The following CRTAC1 variants were observed in gnomAD, a reference collection of about 807,000 sequenced individuals.
The protein encoded by CRTAC1 is cartilage acidic protein 1.
Under a neutral mutation model 67.8 loss-of-function variants are expected in CRTAC1, and 37 were observed. That is an observed-to-expected ratio of 0.55 (90% CI 0.42 to 0.72). The LOEUF (loss-of-function observed/expected upper bound fraction) is 0.72. Among genes scored for constraint, CRTAC1 ranks in the 30% least tolerant of loss-of-function variants. The pLI, the probability that CRTAC1 is intolerant of heterozygous loss-of-function variation, is 0.00. For missense variants in CRTAC1, 780 were observed against 931.6 expected, an observed-to-expected ratio of 0.84 and a Z score of 2.12; for synonymous variants, 348 against 371.0, an observed-to-expected ratio of 0.94 and a Z score of 0.71.
intron 2 of CRTAC1, among the ~76,000 whole-genome samples, chr10:97,945,380 G>C (rs1221886716): frequency 6.6e-6 from 1 of 152,120 alleles, no homozygotes; most frequent in Non-Finnish European, 1.5e-5. Flanking sequence ...TTCCCATTTT[G>C]AATGCACACT....
At chr10:97,881,213 G>A (rs1296078048) in intron 13 of CRTAC1, among the ~76,000 whole-genome samples, 2 of 152,128 alleles carry the variant, frequency 1.3e-5, no homozygotes, top group African/African-American at 4.8e-5. Context: ...ACTCCCTACA[G>A]GGGCCTCATG....
At chr10:97,882,890 C>G (rs1041000496) in intron 12 of CRTAC1, 62 bp from the exon 13 acceptor site, 4 of 1,548,048 alleles carry the variant, frequency 2.6e-6, no homozygotes, top group Non-Finnish European at 2.7e-6. Context: ...CAGGTTCCCT[C>G]CTAGTCACAG....
intron 1 of CRTAC1, among the ~76,000 whole-genome samples, chr10:98,019,770 A>G (rs1056985413): frequency 2.0e-5 from 3 of 152,168 alleles, no homozygotes; most frequent in African/African-American, 7.2e-5. Context: ...GTGGGCAGGG[A>G]TAAGGTGTCA....
intron 11 of CRTAC1, among the ~76,000 whole-genome samples, chr10:97,885,603 C>T (rs1175786772): frequency 2.6e-5 from 4 of 152,190 alleles, no homozygotes; most frequent in African/African-American, 7.2e-5. Context: ...GAAACAGGCC[C>T]GTCACTGTGG....
At chr10:97,974,512 T>G (rs1255185055) in intron 2 of CRTAC1, among the ~76,000 whole-genome samples, 1 of 152,226 alleles carries the variant, frequency 6.6e-6, no homozygotes, top group East Asian at 1.9e-4. Context: ...GTCAGCCTCT[T>G]TCGACACTTC....
At chr10:97,961,833 A>C (rs1046542765) in intron 2 of CRTAC1, among the ~76,000 whole-genome samples, 4 of 152,192 alleles carry the variant, frequency 2.6e-5, no homozygotes, top group Non-Finnish European at 5.9e-5. Flanking sequence ...CTAGGAGTTC[A>C]AGACCAATGC....
chr10:98,006,155 A>G (rs2136689612), intron 2 of CRTAC1, among the ~76,000 whole-genome samples: 1 of 152,344 alleles, frequency 6.6e-6, no homozygotes, highest in South Asian at 2.1e-4. Flanking sequence ...GCTGCTCTAA[A>G]GGAATTGTAC....
intron 1 of CRTAC1, among the ~76,000 whole-genome samples, chr10:98,026,752 A>G (rs1017048802): frequency 3.9e-5 from 6 of 152,176 alleles, no homozygotes; most frequent in African/African-American, 1.4e-4. Context: ...GGGAGAGAAG[A>G]GGATTCCGCC....
chr10:97,952,818 A>C (rs1399317857), intron 2 of CRTAC1, among the ~76,000 whole-genome samples: 1 of 152,240 alleles, frequency 6.6e-6, no homozygotes. Flanking sequence ...ACAGTTGAAC[A>C]TGTAGAGAAC....
chr10:97,939,451 C>G (rs954908431), intron 2 of CRTAC1, among the ~76,000 whole-genome samples: 3 of 152,194 alleles, frequency 2.0e-5, no homozygotes, highest in Non-Finnish European at 4.4e-5. Context: ...CCTCATCTCC[C>G]CCAGTCCCCA....
chr10:97,970,996 C>T (rs1330898718), intron 2 of CRTAC1, among the ~76,000 whole-genome samples: 1 of 152,166 alleles, frequency 6.6e-6, no homozygotes, highest in Non-Finnish European at 1.5e-5. Context: ...TAAAGTTTAC[C>T]TTCATTAGGA....
chr10:97,955,267 T>G (rs1438006337), intron 2 of CRTAC1, among the ~76,000 whole-genome samples: 2 of 152,176 alleles, frequency 1.3e-5, no homozygotes, highest in Non-Finnish European at 2.9e-5. Context: ...GAACCCTGAG[T>G]AGAAGAGGGG....
At chr10:97,963,911 T>C (rs142836776) in intron 2 of CRTAC1, among the ~76,000 whole-genome samples, 2 of 152,200 alleles carry the variant, frequency 1.3e-5, no homozygotes, top group African/African-American at 4.8e-5. Context: ...TAGCAAGCAA[T>C]GAGCTGGAGT....
chr10:97,993,235 AG>A (rs1490971976), intron 2 of CRTAC1, among the ~76,000 whole-genome samples: 1 of 152,212 alleles, frequency 6.6e-6, no homozygotes, highest in African/African-American at 2.4e-5. Context: ...GTTTAATGAA[AG>A]GGAAATTAGC....
In CRTAC1 at chr10:97,936,338, A is replaced by G; in HGVS notation, c.253T>C (p.Tyr85His). The G allele has an allele frequency of 6.2e-7, 1 of 1,612,424 alleles. No individual in the cohort carries two copies. The highest frequency in any genetic ancestry group is 8.5e-7 in the Non-Finnish European group (1 of 1,178,766). Residue 85 changes from tyrosine to histidine, a missense_variant, in exon 3 of 15, where the codon TAT becomes CAT. Transcript: ENST00000370597. The part of the protein sequence containing the change: ...GYNGPNLVLK[Y>H]DRAQKRLVNI... ...ACCAGCCGCTTCTGGGCCCGGTCAT[A>G]CTTCAGAACCAGGTTGGGTCCATTG... is the stretch of plus-strand genomic sequence containing the variant.
At chr10:97,995,993 T>A (rs546704267) in intron 2 of CRTAC1, among the ~76,000 whole-genome samples, 1 of 152,306 alleles carries the variant, frequency 6.6e-6, no homozygotes, top group South Asian at 2.1e-4. Context: ...ACCCCGTCTC[T>A]ACTAAACATA....
chr10:97,979,360 C>T (rs557490432), intron 2 of CRTAC1, among the ~76,000 whole-genome samples: 26 of 152,222 alleles, frequency 1.7e-4, no homozygotes, highest in African/African-American at 5.3e-4. Context: ...ATACCCCACC[C>T]GAACCACCGT....
Position 97,914,401 on chromosome 10 carries a change from C to A in CRTAC1, c.715+3099G>T, listed in dbSNP as rs1038170349. Among the ~76,000 whole-genome samples the A allele has an allele frequency of 2.0e-5, 3 of 152,230 alleles. No individual in the cohort carries two copies. The East Asian group carries it at 5.8e-4, about 29-fold the overall frequency. On this transcript the variant is annotated intron_variant, in intron 5 of 14. Coordinates refer to ENST00000370597, the MANE Select transcript of CRTAC1 (RefSeq NM_018058.7). The stretch of plus-strand genomic sequence containing the variant: ...TATTTGCTATACTAGGTGGGCACTG[C>A]CCGTGTGCCAGGCCATGTGCCAGCC...
intron 2 of CRTAC1, among the ~76,000 whole-genome samples, chr10:97,961,047 C>A (rs1465282278): frequency 2.0e-5 from 3 of 152,100 alleles, no homozygotes; most frequent in Non-Finnish European, 4.4e-5. Flanking sequence ...CCAGGACCAT[C>A]GTGTCATTGT....
Sources: gnomAD v4.1 joint callset for allele counts (sites outside exome capture counted in the v4.1 genomes callset) on GRCh38, gnomAD v4.1.1 for gene constraint, MANE v1.5 for transcripts, NCBI Gene and HGNC (gene_info 2026-07-23, HGNC 2026-07-21) for gene names.